PCDH15: variants seen among roughly 807,000 people sequenced by gnomAD.
The protein encoded by PCDH15 is protocadherin related 15, also known as protocadherin-15.
PCDH15 carries 129 observed loss-of-function variants against 178.5 expected under a neutral mutation model. That is an observed-to-expected ratio of 0.72 (90% CI 0.63 to 0.84). PCDH15 has a LOEUF of 0.84. PCDH15 is among the 40% of genes least tolerant of loss of function. The probability of loss-of-function intolerance (pLI) is 0.00; values close to 1 mark genes in which losing one functional copy is unlikely to be tolerated. For synonymous variants in PCDH15, 800 were observed against 732.0 expected (o/e 1.09, Z -1.50); for missense variants, 2,230 against 2,099.9 (o/e 1.06, Z -1.21).
chr10:54,943,205 T>C (rs962729648), intron 2 of PCDH15, among the ~76,000 whole-genome samples: 8 of 151,982 alleles, frequency 5.3e-5, no homozygotes, highest in African/African-American at 1.7e-4. Flanking sequence ...TAGAGGAGAA[T>C]GTGTTTCATT....
intron 3 of PCDH15, among the ~76,000 whole-genome samples, chr10:54,843,190 T>C (rs914710140): frequency 1.3e-5 from 2 of 152,068 alleles, no homozygotes; most frequent in South Asian, 4.1e-4. Flanking sequence ...TTTGGCTTCA[T>C]GAACTTTAGG....
chr10:54,586,340 A>G (rs2091464848), intron 2 of PCDH15, among the ~76,000 whole-genome samples: 2 of 152,148 alleles, frequency 1.3e-5, no homozygotes, highest in African/African-American at 4.8e-5. Flanking sequence ...TTTGCTACAC[A>G]ATGAGGATAC....
At chr10:55,192,647 T>A (rs1460600636) in intron 1 of PCDH15, among the ~76,000 whole-genome samples, 1 of 151,818 alleles carries the variant, frequency 6.6e-6, no homozygotes, top group Non-Finnish European at 1.5e-5. Flanking sequence ...CATATTAAGC[T>A]ATTGCTTATT....
chr10:54,630,909 C>T (rs991451164), intron 2 of PCDH15, among the ~76,000 whole-genome samples: 35 of 152,112 alleles, frequency 2.3e-4, no homozygotes, highest in Non-Finnish European at 1.2e-4. Flanking sequence ...GACAAACCCT[C>T]TACATCACTA....
Position 55,610,630 on chromosome 10 carries a change from A to G in PCDH15, c.-156+16995T>C, listed in dbSNP as rs1205121927. ...AAGGGCTAAGACGTTTCTGTTTTATATACTTAAGAGCTTAAAAGATACTGT... is the reference window on the plus strand; with the variant it reads ...AAGGGCTAAGACGTTTCTGTTTTATGTACTTAAGAGCTTAAAAGATACTGT... On this transcript the variant is annotated intron_variant, in intron 2 of 5. Transcript: ENST00000613346. Among the ~76,000 whole-genome samples the G allele has an allele frequency of 3.3e-5, 5 of 152,120 alleles. No individual in the cohort carries two copies. The East Asian group carries it at 9.6e-4, about 29-fold the overall frequency.
At chr10:54,567,385 T>C (rs952854932) in intron 2 of PCDH15, among the ~76,000 whole-genome samples, 1 of 152,152 alleles carries the variant, frequency 6.6e-6, no homozygotes, top group African/African-American at 2.4e-5. Flanking sequence ...TTTGATGTTG[T>C]ATCCAAAAAG....
intron 20 of PCDH15, among the ~76,000 whole-genome samples, chr10:53,996,307 A>T (rs528965983): frequency 3.2e-4 from 49 of 152,280 alleles, no homozygotes; most frequent in Non-Finnish European, 4.9e-4. Flanking sequence ...AAATAATGAC[A>T]CTTAAGATTA....
At chr10:54,670,372 T>C (rs1003515350) in intron 1 of PCDH15, among the ~76,000 whole-genome samples, 1 of 152,180 alleles carries the variant, frequency 6.6e-6, no homozygotes, top group African/African-American at 2.4e-5. Flanking sequence ...ACAGCTATGG[T>C]GAATTCTTGG....
intron 2 of PCDH15, among the ~76,000 whole-genome samples, chr10:54,626,247 C>T (rs2134569858): frequency 6.6e-6 from 1 of 152,256 alleles, no homozygotes; most frequent in East Asian, 1.9e-4. Context: ...ATCCCATTTT[C>T]TGAGAAGAAA....
intron 21 of PCDH15, among the ~76,000 whole-genome samples, chr10:53,990,113 T>G (rs924706549): frequency 6.6e-6 from 1 of 152,130 alleles, no homozygotes; most frequent in African/African-American, 2.4e-5. Flanking sequence ...GACATTTTAA[T>G]AAAACACAGA....
chr10:54,157,642 C>T (rs976145260), intron 13 of PCDH15, among the ~76,000 whole-genome samples: 4 of 152,194 alleles, frequency 2.6e-5, no homozygotes, highest in African/African-American at 7.2e-5. Flanking sequence ...CTTCTTGTTA[C>T]TTATGCAAAT....
intron 8 of PCDH15, among the ~76,000 whole-genome samples, chr10:54,259,788 G>C (rs2057179762): frequency 6.6e-6 from 1 of 152,088 alleles, no homozygotes; most frequent in Non-Finnish European, 1.5e-5. Flanking sequence ...ATTCTACAAG[G>C]TTCTAGAAAT....
At chr10:55,599,997 GA>G (rs1285523266) in intron 2 of PCDH15, 2 of 1,373,330 alleles carry the variant, frequency 1.5e-6, no homozygotes, top group Non-Finnish European at 1.9e-6. Context: ...AGACCCTGTG[GA>G]GCTTGAATTC....
Position 54,137,873 on chromosome 10 carries a change from C to T in PCDH15, c.1785-4866G>A, listed in dbSNP as rs187856362. On this transcript the variant is annotated intron_variant, in intron 14 of 37. Coordinates refer to ENST00000644397, the MANE Select transcript of PCDH15 (RefSeq NM_001384140.1). ...CAGATTTTCGTTACCTGACCAAGAA[C>T]ACATTGCTTGTGTCTTGGCTGCCTT... Among the ~76,000 whole-genome samples the T allele has an allele frequency of 5.9e-5, 9 of 152,282 alleles. No individual in the cohort carries two copies. In the East Asian group the frequency reaches 1.7e-3, roughly 29 times the overall value.
At chr10:54,051,271 G>T (rs1213667065) in intron 18 of PCDH15, among the ~76,000 whole-genome samples, 1 of 152,170 alleles carries the variant, frequency 6.6e-6, no homozygotes, top group Non-Finnish European at 1.5e-5. Context: ...AGTTTGGGGG[G>T]CTCAGAAGAA....
chr10:54,019,713 G>A (rs962824570), intron 20 of PCDH15, among the ~76,000 whole-genome samples: 4 of 152,000 alleles, frequency 2.6e-5, no homozygotes, highest in Non-Finnish European at 5.9e-5. Flanking sequence ...GCTTAAAAAG[G>A]GTTGAGCCAG....
At chr10:54,598,393 A>T (rs1324632849) in intron 2 of PCDH15, among the ~76,000 whole-genome samples, 1 of 152,146 alleles carries the variant, frequency 6.6e-6, no homozygotes, top group African/African-American at 2.4e-5. Context: ...ATCTCAATAG[A>T]TGCAGAAAGA....
intron 1 of PCDH15, among the ~76,000 whole-genome samples, chr10:54,796,266 C>CTATCTATCTATCTATG (rs1951976176): frequency 8.0e-5 from 7 of 87,158 alleles, no homozygotes; most frequent in Admixed American, 3.2e-4. Context: ...ATCTATCTAT[C>CTATCTATCTATCTATG]TATCTATGTA....
At chr10:55,231,330 C>T (rs529427131) in intron 1 of PCDH15, among the ~76,000 whole-genome samples, 2 of 151,970 alleles carry the variant, frequency 1.3e-5, no homozygotes, top group South Asian at 2.1e-4. Context: ...ATGTGGGTCC[C>T]AGGTACTTAC....
Sources: gnomAD v4.1 joint callset for allele counts (sites outside exome capture counted in the v4.1 genomes callset) on GRCh38, gnomAD v4.1.1 for gene constraint, MANE v1.5 for transcripts, NCBI Gene and HGNC (gene_info 2026-07-23, HGNC 2026-07-21) for gene names.